PLCE1: variants seen among roughly 807,000 people sequenced by gnomAD.
PLCE1 encodes the protein 1-phosphatidylinositol 4,5-bisphosphate phosphodiesterase epsilon-1.
PLCE1 carries 119 observed loss-of-function variants against 242.8 expected under a neutral mutation model. The ratio of observed to expected loss-of-function variants is 0.49; its 90% CI spans 0.42 to 0.57. PLCE1 has a LOEUF of 0.57. Ranked by LOEUF, PLCE1 falls within the 20% of genes least tolerant of loss-of-function variation. The probability of loss-of-function intolerance (pLI) is 0.00; values close to 1 mark genes in which losing one functional copy is unlikely to be tolerated. For missense variants in PLCE1, 2,441 were observed against 2,788.8 expected (o/e 0.88, Z 2.81); for synonymous variants, 945 against 1,017.4 (o/e 0.93, Z 1.35).
rs2050698268 is a variant in PLCE1, at chr10:94,246,772, A to G, written c.3096+151A>G. ...TTTTACTTAACCTCTTGGTACCCCA[A>G]TCCCCTTTTCTATAAAATGGAAATA... On this transcript the variant is annotated intron_variant, in intron 8 of 32. Transcript: ENST00000371380. 4 of 667,716 alleles carry G rather than the reference A, an allele frequency of 6.0e-6. No homozygotes were observed. The South Asian group carries it at 7.1e-5, about 12-fold the overall frequency. The allele number at this position is 667,716 out of a possible 1,614,324, so 41.4% of individuals were successfully genotyped here.
chr10:94,101,366 A>C (rs780974407), intron 2 of PLCE1, among the ~76,000 whole-genome samples: 3 of 152,262 alleles, frequency 2.0e-5, no homozygotes, highest in Non-Finnish European at 4.4e-5. Flanking sequence ...AACAGATTTC[A>C]GTCCTTATTA....
intron 1 of PLCE1, among the ~76,000 whole-genome samples, chr10:94,008,658 G>T (rs909388791): frequency 6.6e-6 from 1 of 152,122 alleles, no homozygotes; most frequent in Admixed American, 6.5e-5. Flanking sequence ...AATATGCCTT[G>T]TTTCCAACTT....
At chr10:94,106,982 C>T (rs2045772138) in intron 2 of PLCE1, 1 of 139,776 alleles carries the variant, frequency 7.2e-6, no homozygotes, top group Admixed American at 7.6e-5. Flanking sequence ...TTTCTCCTTC[C>T]CCTCTCCCCT....
At chr10:94,249,889 G>C (rs1213057090) in intron 8 of PLCE1, among the ~76,000 whole-genome samples, 1 of 151,826 alleles carries the variant, frequency 6.6e-6, no homozygotes, top group East Asian at 1.9e-4. Flanking sequence ...GGAATTACCA[G>C]GTAAATATCT....
chr10:94,075,990 A>C (rs1190398221), intron 2 of PLCE1, among the ~76,000 whole-genome samples: 1 of 152,206 alleles, frequency 6.6e-6, no homozygotes, highest in African/African-American at 2.4e-5. Flanking sequence ...TAGGATGCCT[A>C]CTTTACAGGA....
intron 28 of PLCE1, among the ~76,000 whole-genome samples, chr10:94,314,087 G>T (rs1203805232): frequency 6.6e-6 from 1 of 152,150 alleles, no homozygotes; most frequent in East Asian, 1.9e-4. Context: ...GATCTTTGTG[G>T]CCTTCTGCAG....
At chr10:94,059,837 A>G (rs572936556) in intron 2 of PLCE1, among the ~76,000 whole-genome samples, 26 of 152,148 alleles carry the variant, frequency 1.7e-4, no homozygotes, top group Non-Finnish European at 3.5e-4. Flanking sequence ...CTTTTAGTGA[A>G]TGTAGTGAGT....
chr10:94,217,500 G>A (rs184542488), intron 4 of PLCE1, among the ~76,000 whole-genome samples: 1 of 152,254 alleles, frequency 6.6e-6, no homozygotes, highest in Non-Finnish European at 1.5e-5. Context: ...TACAAAAGGG[G>A]AGACTCTGCA....
chr10:94,313,234 C>G lies in PLCE1; in HGVS notation c.6004-20C>G, dbSNP rs764272566. Reference sequence around the variant, plus strand: ...TATGTGATTACGGATGAATGATCAGCCATGTGATCTTCTTGACAGATGTTT... The same window carrying G: ...TATGTGATTACGGATGAATGATCAGGCATGTGATCTTCTTGACAGATGTTT... On this transcript the variant is annotated intron_variant, in intron 27 of 32. Transcript: ENST00000371380. The G allele has an allele frequency of 1.9e-6, 3 of 1,613,402 alleles. No homozygotes were observed. In the South Asian group the frequency reaches 3.3e-5, roughly 18 times the overall value.
intron 4 of PLCE1, among the ~76,000 whole-genome samples, chr10:94,199,071 T>G (rs2048913498): frequency 6.6e-6 from 1 of 152,018 alleles, no homozygotes; most frequent in Admixed American, 6.6e-5. Context: ...AAAAAAGAAA[T>G]CCCTCAGTGT....
At chr10:94,289,944 C>G (rs940274137) in intron 22 of PLCE1, among the ~76,000 whole-genome samples, 1 of 150,500 alleles carries the variant, frequency 6.6e-6, no homozygotes, top group African/African-American at 2.4e-5. Context: ...ATTTTTTTAA[C>G]TTTTTGACTC....
chr10:94,094,985 C>A (rs1215349542), intron 2 of PLCE1, among the ~76,000 whole-genome samples: 1 of 152,224 alleles, frequency 6.6e-6, no homozygotes, highest in Non-Finnish European at 1.5e-5. Flanking sequence ...AAAAAAACTT[C>A]TTTTCTTACA....
At chr10:94,062,607 T>TTG (rs2044089760) in intron 2 of PLCE1, among the ~76,000 whole-genome samples, 1 of 116,356 alleles carries the variant, frequency 8.6e-6, no homozygotes, top group East Asian at 2.5e-4. Flanking sequence ...TTGTTTTGTT[T>TTG]TTTTTTTTAG....
intron 2 of PLCE1, among the ~76,000 whole-genome samples, chr10:94,033,749 C>G (rs1486081614): frequency 6.6e-6 from 1 of 152,110 alleles, no homozygotes; most frequent in African/African-American, 2.4e-5. Flanking sequence ...ATCCTGAAAA[C>G]TCTTGCTTCC....
At chr10:94,098,378 T>C (rs2045394901) in intron 2 of PLCE1, among the ~76,000 whole-genome samples, 1 of 152,232 alleles carries the variant, frequency 6.6e-6, no homozygotes, top group Non-Finnish European at 1.5e-5. Flanking sequence ...CCCTCTACCT[T>C]GCTGGAGTAT....
intron 13 of PLCE1, among the ~76,000 whole-genome samples, chr10:94,260,615 ATATTT>A (rs1355889891): frequency 6.6e-6 from 1 of 151,506 alleles, no homozygotes; most frequent in Non-Finnish European, 1.5e-5. Context: ...TTGTTCTATT[ATATTT>A]TATTATTTTA....
At chr10:94,077,687 G>C (rs930807777) in intron 2 of PLCE1, among the ~76,000 whole-genome samples, 12 of 152,156 alleles carry the variant, frequency 7.9e-5, no homozygotes, top group Non-Finnish European at 1.2e-4. Flanking sequence ...AGGATCACTT[G>C]AGCCCAGGAG....
intron 4 of PLCE1, among the ~76,000 whole-genome samples, chr10:94,212,467 A>G (rs1378016165): frequency 3.9e-5 from 6 of 152,200 alleles, no homozygotes; most frequent in Non-Finnish European, 5.9e-5. Context: ...CGTGTTAGCC[A>G]GGATGGTCTT....
intron 1 of PLCE1, among the ~76,000 whole-genome samples, chr10:94,024,551 C>G (rs927216768): frequency 3.3e-5 from 5 of 152,076 alleles, no homozygotes; most frequent in Admixed American, 1.3e-4. Context: ...CTCAAATACC[C>G]TATCATTAGA....
Sources: gnomAD v4.1 joint callset for allele counts (sites outside exome capture counted in the v4.1 genomes callset) on GRCh38, gnomAD v4.1.1 for gene constraint, MANE v1.5 for transcripts, NCBI Gene and HGNC (gene_info 2026-07-23, HGNC 2026-07-21) for gene names.